MYH11: variants seen among roughly 807,000 people sequenced by gnomAD.
MYH11 encodes the protein myosin-11.
MYH11 carries 80 observed loss-of-function variants against 246.6 expected under a neutral mutation model. That is an observed-to-expected ratio of 0.32 (90% CI 0.27 to 0.39). The LOEUF (loss-of-function observed/expected upper bound fraction) is 0.39, where lower values mean the gene tolerates loss of function less well. Among genes scored for constraint, MYH11 ranks in the 10% least tolerant of loss-of-function variants. The pLI, the probability that MYH11 is intolerant of heterozygous loss-of-function variation, is 1.00. For missense variants in MYH11, 2,158 were observed against 2,546.8 expected (o/e 0.85, Z 3.29); for synonymous variants, 1,071 against 1,015.5 (o/e 1.05, Z -1.04).
At chr16:15,757,289 TG>T (rs1461245014) in intron 13 of MYH11, among the ~76,000 whole-genome samples, 1 of 150,912 alleles carries the variant, frequency 6.6e-6, no homozygotes, top group Non-Finnish European at 1.5e-5. Context: ...CCCAAATAGC[TG>T]GGACCACAGG....
At chr16:15,759,461 C>CCT in intron 12 of MYH11, 115 bp downstream of exon 12, 1 of 1,343,528 alleles carries the variant, frequency 7.4e-7, no homozygotes, top group South Asian at 1.2e-5. Context: ...AACTAGACAG[C>CCT]CTCCTACCCT....
At chr16:15,790,347 AAAAC>A (rs2042580026) in intron 4 of MYH11, among the ~76,000 whole-genome samples, 1 of 151,894 alleles carries the variant, frequency 6.6e-6, no homozygotes, top group African/African-American at 2.4e-5. Flanking sequence ...GACAAAAAAA[AAAAC>A]AAAGACATCA....
Position 15,825,513 on chromosome 16 carries a change from T to C in MYH11, c.346-2102A>G, listed in dbSNP as rs79096756. ...TCAAGGTAATAGTGAGCTATGATTG[T>C]ACCATTGCACTCTAGCCCCTGGGTG... On this transcript the variant is annotated intron_variant, in intron 2 of 40. Coordinates refer to ENST00000300036, the MANE Select transcript of MYH11 (RefSeq NM_002474.3). 4.5e-4 allele frequency among the ~76,000 whole-genome samples: 69 copies of C among 152,210 alleles called. No homozygotes were observed. The East Asian group carries it at 0.012, about 27-fold the overall frequency.
At chr16:15,766,267 C>T (rs562835413) in intron 9 of MYH11, among the ~76,000 whole-genome samples, 23 of 152,070 alleles carry the variant, frequency 1.5e-4, no homozygotes, top group Non-Finnish European at 3.1e-4. Context: ...GGATATAAGC[C>T]AAGTGTTGCT....
rs371320304 is a variant in MYH11, at chr16:15,738,702, G to T, written c.2998-14C>A. 4 of 1,613,052 alleles carry T rather than the reference G, an allele frequency of 2.5e-6. No homozygotes were observed. The highest frequency in any genetic ancestry group is 3.4e-6 in the Non-Finnish European group (4 of 1,179,388). ...GAGTTTTCGTTCCTTTTTGGGGAAA[G>T]AGAAAGAGATAGCTTTAGGATTTTT... On this transcript the variant is annotated splice_polypyrimidine_tract_variant and intron_variant, in intron 23 of 40. Transcript: ENST00000300036.
rs200620686 is a variant in MYH11, at chr16:15,757,815, C to T, written c.1575+12G>A. 8.1e-6 allele frequency: 13 copies of T among 1,614,178 alleles called. No individual in the cohort carries two copies. The highest frequency in any genetic ancestry group is 2.2e-5 in the East Asian group (1 of 44,874). The stretch of plus-strand genomic sequence containing the variant: ...GGTGTGACGGAGCCCCGCACGCCCA[C>T]GTGCCCCTCACCGGTCGCTCGATGA... On this transcript the variant is annotated intron_variant, in intron 13 of 40. Transcript: ENST00000300036.
At chr16:15,704,490 A>G (rs901129960) in intron 40 of MYH11, among the ~76,000 whole-genome samples, 2 of 152,236 alleles carry the variant, frequency 1.3e-5, no homozygotes, top group African/African-American at 2.4e-5. Flanking sequence ...CCAAAAACCA[A>G]GCAGGGGATT....
chr16:15,803,640 C>T (rs2042941476), intron 3 of MYH11, among the ~76,000 whole-genome samples: 1 of 152,200 alleles, frequency 6.6e-6, no homozygotes, highest in African/African-American at 2.4e-5. Flanking sequence ...CCGGCCCAGA[C>T]AACCTCCACT....
At chr16:15,705,362 C>T (rs1458713312) in intron 40 of MYH11, among the ~76,000 whole-genome samples, 1 of 152,176 alleles carries the variant, frequency 6.6e-6, no homozygotes, top group African/African-American at 2.4e-5. Flanking sequence ...CGCTGGTTCT[C>T]TCTTGAGTTT....
Position 15,737,562 on chromosome 16 carries a change from C to T in MYH11, c.3180G>A (p.Leu1060=), listed in dbSNP as rs768243572. 2.5e-6 allele frequency: 4 copies of T among 1,614,026 alleles called. No homozygotes were observed. The Admixed American group carries it at 5.0e-5, about 20-fold the overall frequency. ...CGTGGAAGTCGCTGGCATCACCCTC[C>T]AGCTTCCGTTTCAGCTTCTCCAGCT... is the stretch of plus-strand genomic sequence containing the variant. The part of the protein sequence containing the change: ...RQELEKLKRK[L]EGDASDFHEQ... The change falls in exon 25 of 41, where the codon CTG becomes CTA. Residue 1060 remains leucine, a synonymous_variant. Coordinates refer to ENST00000300036, the MANE Select transcript of MYH11 (RefSeq NM_002474.3).
intron 4 of MYH11, among the ~76,000 whole-genome samples, chr16:15,795,532 A>G (rs933033179): frequency 1.3e-5 from 2 of 152,142 alleles, no homozygotes; most frequent in Non-Finnish European, 2.9e-5. Flanking sequence ...AATCACTTGA[A>G]CCTGGGAGGT....
At chr16:15,745,037 T>A in intron 20 of MYH11, 92 bp downstream of exon 20, 2 of 988,332 alleles carry the variant, frequency 2.0e-6, no homozygotes, top group South Asian at 2.5e-5. Context: ...CCACACCCAC[T>A]TGCGACCACC....
chr16:15,850,771 G>A (rs887405928), intron 1 of MYH11, among the ~76,000 whole-genome samples: 3 of 151,946 alleles, frequency 2.0e-5, no homozygotes, highest in African/African-American at 7.2e-5. Context: ...AGCACATGCC[G>A]GTAGTCCCAG....
At chr16:15,722,636 A>C (rs1300588839) in intron 31 of MYH11, among the ~76,000 whole-genome samples, 1 of 152,204 alleles carries the variant, frequency 6.6e-6, no homozygotes, top group East Asian at 1.9e-4. Context: ...AGCTGATGGG[A>C]AGAGGAGAAA....
chr16:15,834,910 AGT>A (rs1491106420), intron 2 of MYH11, among the ~76,000 whole-genome samples: 3,807 of 80,080 alleles, frequency 0.048, 157 homozygotes, highest in African/African-American at 0.18. Flanking sequence ...TCTCTACAGA[AGT>A]TTTTTTTTTT....
intron 3 of MYH11, among the ~76,000 whole-genome samples, chr16:15,820,365 T>A (rs9630620): frequency 0.14 from 20,738 of 151,298 alleles, 1,451 homozygotes; most frequent in East Asian, 0.15. Context: ...TCCCAGTTAC[T>A]TGGGAGGCTG....
rs1026442631 is a variant in MYH11 at position 15,750,374 on chromosome 16, A to G, written c.1865-43T>C. 6.5e-7 allele frequency: 1 copy of G among 1,539,528 alleles called. No individual in the cohort carries two copies. Among genetic ancestry groups the G allele is most frequent in the African/African-American group, 1.4e-5 (1 of 72,270 alleles). On this transcript the variant is annotated intron_variant, in intron 15 of 40. Coordinates refer to ENST00000300036, the MANE Select transcript of MYH11 (RefSeq NM_002474.3). The surrounding 1 kb of genome is among the most constrained non-coding windows in gnomAD (Gnocchi z 4.3). ...GGTGGCATCAGCCTCTGGCCCACCC[A>G]CCCCTAAATAGGCCAGAGGCTCAGC... is the stretch of plus-strand genomic sequence containing the variant.
In MYH11 at chr16:15,720,248, T is replaced by G; in HGVS notation, c.4856A>C (p.Lys1619Thr). Residue 1619 changes from lysine (K) to threonine (T), a missense_variant, in exon 34 of 41, where the codon AAG (lysine) becomes ACG (threonine). Lys to Thr is a moderately conservative substitution (Grantham distance 78, BLOSUM62 -1). Around this residue, in one of 11 missense-constraint regions of MYH11, gnomAD observed 1,013 missense variants for 993.5 expected, o/e 1.02. Transcript: ENST00000300036. ...RKQRALAAAAKKKLEGDLKDL... is the reference protein window; with the variant it reads ...RKQRALAAAATKKLEGDLKDL... ...TTTCAGGTCCCCTTCCAGCTTCTTC[T>G]TTGCTGCAGCTGCCAGGGCACGTTG... 2 of 1,614,096 alleles carry G rather than the reference T, an allele frequency of 1.2e-6. No homozygotes were observed. Among genetic ancestry groups the G allele is most frequent in the Non-Finnish European group, 1.7e-6 (2 of 1,180,000 alleles).
In MYH11 at chr16:15,780,783, T is replaced by A. The variant is rs2042335202; in HGVS notation, c.726+1602A>T. Among the ~76,000 whole-genome samples, 3 of 152,028 alleles carry A rather than the reference T, an allele frequency of 2.0e-5. No individual in the cohort carries two copies. The South Asian group carries it at 6.2e-4, about 32-fold the overall frequency. ...CAGGTGTGAGCCACTCTGTGCCTGG[T>A]CTAGATTTTTATGCTTTTAAATGAA... On this transcript the variant is annotated intron_variant, in intron 6 of 40. Coordinates refer to ENST00000300036, the MANE Select transcript of MYH11 (RefSeq NM_002474.3).
Sources: allele counts gnomAD v4.1 joint callset (sites outside exome capture counted in the v4.1 genomes callset), GRCh38; gene constraint gnomAD v4.1.1; regional missense constraint gnomAD v4.1.1; non-coding constraint Gnocchi (gnomAD v3.1); transcripts MANE v1.5; gene names NCBI Gene and HGNC (gene_info 2026-07-23, HGNC 2026-07-21).